The following UNC5D variants were observed in gnomAD, a reference collection of about 807,000 sequenced individuals.
The protein encoded by UNC5D is unc-5 netrin receptor D, also known as netrin receptor UNC5D.
UNC5D carries 39 observed loss-of-function variants against 105.4 expected under a neutral mutation model. The ratio of observed to expected loss-of-function variants is 0.37; its 90% confidence interval spans 0.29 to 0.48. The LOEUF (loss-of-function observed/expected upper bound fraction) is 0.48. UNC5D is among the 20% of genes least tolerant of loss of function. The pLI is 0.98. For missense variants in UNC5D, 991 were observed against 1,202.4 expected, an observed-to-expected ratio of 0.82 and a Z score of 2.60; for synonymous variants, 452 against 450.4, an observed-to-expected ratio of 1.00 and a Z score of -0.04.
intron 1 of UNC5D, among the ~76,000 whole-genome samples, chr8:35,396,958 A>G (rs1204548785): frequency 6.6e-6 from 1 of 152,016 alleles, no homozygotes; most frequent in African/African-American, 2.4e-5. Flanking sequence ...TCTGTCACCC[A>G]GGCTATGGCA....
intron 8 of UNC5D, among the ~76,000 whole-genome samples, chr8:35,707,295 C>T (rs531592031): frequency 1.5e-4 from 23 of 152,228 alleles, no homozygotes; most frequent in African/African-American, 5.1e-4. Flanking sequence ...TCATTACTTG[C>T]AAAGTCTAAG....
intron 1 of UNC5D, among the ~76,000 whole-genome samples, chr8:35,300,336 T>C (rs376374008): frequency 1.3e-5 from 2 of 150,952 alleles, no homozygotes; most frequent in East Asian, 2.0e-4. Flanking sequence ...TAGTTCCAGC[T>C]ACTTGGAGGC....
chr8:35,412,764 CTTG>C (rs1271442339), intron 1 of UNC5D, among the ~76,000 whole-genome samples: 2 of 152,054 alleles, frequency 1.3e-5, no homozygotes, highest in African/African-American at 4.8e-5. Context: ...GAGTAGACTG[CTTG>C]TTATCAGGTG....
chr8:35,641,380 A>AG lies in UNC5D; in HGVS notation c.571-42167_571-42166insG, dbSNP rs1822719043. Among the ~76,000 whole-genome samples the AG allele has an allele frequency of 2.0e-5, 3 of 150,630 alleles. 1 individual carries two copies. The South Asian group carries it at 6.3e-4, about 31-fold the overall frequency. On this transcript the variant is annotated intron_variant, in intron 4 of 16. Transcript: ENST00000404895. ...AAAAAATAAAGCAAAAAAAAAAAAAAAAAAAGAAAAAAAAAAACAGCATCT... is the reference window on the plus strand; with the variant it reads ...AAAAAATAAAGCAAAAAAAAAAAAAAGAAAAAGAAAAAAAAAAACAGCATCT...
chr8:35,587,970 A>ATG, intron 3 of UNC5D, among the ~76,000 whole-genome samples: 1 of 123,160 alleles, frequency 8.1e-6, no homozygotes, highest in Non-Finnish European at 1.7e-5. Context: ...ATAATAATAT[A>ATG]TATATATATA....
At chr8:35,559,896 G>C (rs1057497566) in intron 2 of UNC5D, among the ~76,000 whole-genome samples, 1 of 152,166 alleles carries the variant, frequency 6.6e-6, no homozygotes, top group Admixed American at 6.5e-5. Context: ...AGCAATAACT[G>C]CTGTCAGCAT....
chr8:35,585,484 C>A lies in UNC5D; in HGVS notation c.467-10070C>A, dbSNP rs571990615. Among the ~76,000 whole-genome samples the A allele has an allele frequency of 2.3e-3, 348 of 151,692 alleles. 3 individuals carry two copies. Among genetic ancestry groups the A allele is most frequent in the African/African-American group, 8.1e-3 (334 of 41,348 alleles). On this transcript the variant is annotated intron_variant, in intron 3 of 16. Transcript: ENST00000404895. ...TTATGGTTGCAATATTCAGGAATTT[C>A]AGGAAGATGTCATATATATAATATA... is the stretch of plus-strand genomic sequence containing the variant.
intron 1 of UNC5D, among the ~76,000 whole-genome samples, chr8:35,444,347 C>T (rs765764638): frequency 3.3e-5 from 5 of 152,082 alleles, no homozygotes; most frequent in Admixed American, 6.6e-5. Context: ...TTACTCTAAA[C>T]ATTTAGAGAA....
chr8:35,500,294 G>A (rs1236889190), intron 1 of UNC5D, among the ~76,000 whole-genome samples: 1 of 152,146 alleles, frequency 6.6e-6, no homozygotes, highest in African/African-American at 2.4e-5. Flanking sequence ...TATGGCGAGA[G>A]GGAGAAAGCC....
In UNC5D at chr8:35,770,447, C is replaced by T. The variant is rs527836464; in HGVS notation, c.2478+3381C>T. ...CAAACCCAGTCCTTCATATCACCTT[C>T]ACACTTAAAAGTTATTTTTCTGACC... On this transcript the variant is annotated intron_variant, in intron 15 of 16. Transcript: ENST00000404895. 8.5e-5 allele frequency among the ~76,000 whole-genome samples: 13 copies of T among 152,222 alleles called. No individual in the cohort carries two copies. The East Asian group carries it at 2.5e-3, about 30-fold the overall frequency.
At chr8:35,353,796 A>G (rs951901569) in intron 1 of UNC5D, among the ~76,000 whole-genome samples, 1 of 152,186 alleles carries the variant, frequency 6.6e-6, no homozygotes, top group African/African-American at 2.4e-5. Flanking sequence ...AGAAAAGGGG[A>G]CAGTTACACA....
intron 1 of UNC5D, among the ~76,000 whole-genome samples, chr8:35,348,579 A>G (rs1485084166): frequency 6.6e-6 from 1 of 151,922 alleles, no homozygotes; most frequent in African/African-American, 2.4e-5. Context: ...CTTTAAGACT[A>G]CAATGAAATA....
intron 5 of UNC5D, 92 bp downstream of exon 5, chr8:35,683,819 G>A (rs1825832310): frequency 7.9e-6 from 10 of 1,272,156 alleles, no homozygotes; most frequent in Non-Finnish European, 1.0e-5. Flanking sequence ...GTCGAGAGCT[G>A]CAAAGACCTT....
At chr8:35,652,352 AT>A (rs1383486202) in intron 4 of UNC5D, among the ~76,000 whole-genome samples, 5 of 152,160 alleles carry the variant, frequency 3.3e-5, no homozygotes, top group Non-Finnish European at 7.4e-5. Context: ...GTCAATTGCT[AT>A]GTCTTGATTT....
chr8:35,329,632 G>A (rs1030644808), intron 1 of UNC5D, among the ~76,000 whole-genome samples: 2 of 151,820 alleles, frequency 1.3e-5, no homozygotes, highest in Non-Finnish European at 2.9e-5. Context: ...GGCCATGATC[G>A]GGTATGCTAT....
At chr8:35,318,879 G>A (rs975084624) in intron 1 of UNC5D, among the ~76,000 whole-genome samples, 3 of 151,994 alleles carry the variant, frequency 2.0e-5, no homozygotes, top group African/African-American at 2.4e-5. Flanking sequence ...TATCCATTAC[G>A]AGTGTCTTTA....
intron 1 of UNC5D, among the ~76,000 whole-genome samples, chr8:35,237,938 C>G (rs1436540661): frequency 2.0e-5 from 3 of 152,172 alleles, no homozygotes; most frequent in Non-Finnish European, 4.4e-5. Context: ...GTTCTCCCTT[C>G]CCAGAAAGGT....
intron 1 of UNC5D, among the ~76,000 whole-genome samples, chr8:35,367,163 G>C (rs997271040): frequency 1.3e-5 from 2 of 152,056 alleles, no homozygotes; most frequent in East Asian, 1.9e-4. Flanking sequence ...TTGATCATGG[G>C]GTACTTTTCT....
intron 4 of UNC5D, among the ~76,000 whole-genome samples, chr8:35,652,270 AC>A (rs1312216032): frequency 3.9e-5 from 6 of 152,340 alleles, no homozygotes; most frequent in East Asian, 1.9e-4. Flanking sequence ...GCTAAAAAAA[AC>A]ATAAAAACAT....
Sources: allele counts gnomAD v4.1 joint callset (sites outside exome capture counted in the v4.1 genomes callset), GRCh38; gene constraint gnomAD v4.1.1; transcripts MANE v1.5; gene names NCBI Gene and HGNC (gene_info 2026-07-23, HGNC 2026-07-21).